The following ANGPT2 variants were observed in gnomAD, a reference collection of about 807,000 sequenced individuals.
ANGPT2 encodes the protein angiopoietin-2.
In ANGPT2, 28 loss-of-function variants were observed where a neutral mutation model predicts 62.9. That is an observed-to-expected ratio of 0.44 (90% confidence interval 0.33 to 0.61). The LOEUF (loss-of-function observed/expected upper bound fraction) is 0.61. Ranked by LOEUF, ANGPT2 falls within the 20% of genes least tolerant of loss-of-function variation. ANGPT2 has a pLI of 0.03. For synonymous variants in ANGPT2, 284 were observed against 207.8 expected (o/e 1.37, Z -3.15); for missense variants, 727 against 594.9 (o/e 1.22, Z -2.31).
At chr8:6,536,370 A>G (rs1820503344) in intron 1 of ANGPT2, among the ~76,000 whole-genome samples, 1 of 150,856 alleles carries the variant, frequency 6.6e-6, no homozygotes, top group Non-Finnish European at 1.5e-5. Context: ...ATGTTAGCTC[A>G]ACCCAGAGGC....
rs749652456 is a variant in ANGPT2, at chr8:6,509,078, G to A, written c.1197-16C>T. 8.1e-6 allele frequency: 13 copies of A among 1,603,630 alleles called. No individual in the cohort carries two copies. The highest frequency in any genetic ancestry group is 7.0e-5 in the Admixed American group (4 of 57,140). On this transcript the variant is annotated splice_polypyrimidine_tract_variant and intron_variant, in intron 7 of 8. Coordinates refer to ENST00000629816, the MANE Select transcript of ANGPT2 (RefSeq NM_001118887.2). ...AAGGTGAATCCTGTAAGCGTGCAAAGAAAAAAAACACATTGGCTAGGGTCA... is the reference window on the plus strand; with the variant it reads ...AAGGTGAATCCTGTAAGCGTGCAAAAAAAAAAAACACATTGGCTAGGGTCA...
intron 3 of ANGPT2, among the ~76,000 whole-genome samples, chr8:6,525,424 C>G (rs967525090): frequency 1.6e-5 from 2 of 128,788 alleles, no homozygotes; most frequent in East Asian, 3.9e-4. Context: ...AAAATGAGTT[C>G]TCATTATATT....
In ANGPT2 at chr8:6,552,339, A is replaced by G. The variant is rs191434929; in HGVS notation, c.288+10308T>C. ...CGCAGTCACAGCAGTGTGTTGCCCA[A>G]TGACAGTACTGGAGCAGTTTCCACA... On this transcript the variant is annotated intron_variant, in intron 1 of 8. Coordinates refer to ENST00000629816, the MANE Select transcript of ANGPT2 (RefSeq NM_001118887.2). Among the ~76,000 whole-genome samples, 188 of 152,322 alleles carry G rather than the reference A, an allele frequency of 1.2e-3. 2 individuals carry two copies. The highest frequency in any genetic ancestry group is 7.4e-4 in the Non-Finnish European group (50 of 68,020).
At chr8:6,525,913 C>A (rs182694228) in intron 3 of ANGPT2, among the ~76,000 whole-genome samples, 3 of 152,150 alleles carry the variant, frequency 2.0e-5, no homozygotes, top group Admixed American at 2.0e-4. Context: ...ATAATTGACC[C>A]AAATTGGTAG....
rs180830302 is a variant in ANGPT2, at chr8:6,499,769, C to G, written c.*3332G>C. The stretch of plus-strand genomic sequence containing the variant: ...GATCTGCGGAGTGTATCACTTTTTG[C>G]TGTGTCTTCAAAGTGATTCTTGGTT... On this transcript the variant is annotated 3_prime_UTR_variant, in exon 9 of 9. Transcript: ENST00000629816. 9.3e-4 allele frequency: 1,127 copies of G among 1,206,554 alleles called. 5 individuals are homozygous for G. In the Middle Eastern group the frequency reaches 1.0e-2, roughly 11 times the overall value. 74.7% of individuals were successfully genotyped at this position (1,206,554 alleles called of 1,614,324 possible). A position where few individuals can be genotyped will look rare whatever the true frequency, so the allele number is the denominator to read the frequency against.
At chr8:6,551,381 G>A (rs1195883082) in intron 1 of ANGPT2, among the ~76,000 whole-genome samples, 1 of 148,540 alleles carries the variant, frequency 6.7e-6, no homozygotes, top group Non-Finnish European at 1.5e-5. Context: ...GGCCAATTAT[G>A]TAACTGTAAA....
chr8:6,533,762 C>A (rs1421868596), intron 1 of ANGPT2, among the ~76,000 whole-genome samples: 1 of 152,008 alleles, frequency 6.6e-6, no homozygotes, highest in Non-Finnish European at 1.5e-5. Context: ...CCTTTAAAAA[C>A]TTAGAATTCT....
chr8:6,518,422 A>T (rs1344187559), intron 5 of ANGPT2, among the ~76,000 whole-genome samples: 1 of 152,112 alleles, frequency 6.6e-6, no homozygotes, highest in Non-Finnish European at 1.5e-5. Flanking sequence ...TCCCTGTTGT[A>T]TGGCTTCTAG....
intron 8 of ANGPT2, among the ~76,000 whole-genome samples, chr8:6,505,721 T>C (rs974904833): frequency 1.5e-5 from 2 of 131,906 alleles, no homozygotes; most frequent in Non-Finnish European, 3.1e-5. Context: ...ATATATATTC[T>C]ATATATATTC....
chr8:6,519,394 C>G (rs747149089), intron 5 of ANGPT2, among the ~76,000 whole-genome samples: 30 of 152,198 alleles, frequency 2.0e-4, no homozygotes, highest in Non-Finnish European at 3.5e-4. Flanking sequence ...GTACAAGTCA[C>G]TATGCAGTCA....
intron 1 of ANGPT2, among the ~76,000 whole-genome samples, chr8:6,540,648 C>T (rs549898055): frequency 1.2e-3 from 189 of 152,378 alleles, no homozygotes; most frequent in Non-Finnish European, 2.0e-3. Context: ...CAGCAGCTTA[C>T]AATGACAAAA....
At chr8:6,548,199 C>G (rs1050522826) in intron 1 of ANGPT2, among the ~76,000 whole-genome samples, 1 of 152,104 alleles carries the variant, frequency 6.6e-6, no homozygotes, top group Non-Finnish European at 1.5e-5. Flanking sequence ...CACGCTTTGA[C>G]TTTAGAAGGC....
chr8:6,534,172 A>T (rs1820075613), intron 1 of ANGPT2, among the ~76,000 whole-genome samples: 1 of 152,152 alleles, frequency 6.6e-6, no homozygotes, highest in Non-Finnish European at 1.5e-5. Flanking sequence ...TGGCCTCCAC[A>T]TCTACGGGTT....
chr8:6,547,885 ATT>A (rs78972556), intron 1 of ANGPT2, among the ~76,000 whole-genome samples: 3,009 of 118,914 alleles, frequency 0.025, 66 homozygotes, highest in East Asian at 0.069. Flanking sequence ...TCTTACCCCC[ATT>A]TTTTTTTTTT....
Position 6,499,809 on chromosome 8 carries a change from G to A in ANGPT2, c.*3292C>T. 4 of 1,567,080 alleles carry A rather than the reference G, an allele frequency of 2.6e-6. No homozygotes were observed. Among genetic ancestry groups the A allele is most frequent in the East Asian group, 4.5e-5 (2 of 44,618 alleles). On this transcript the variant is annotated 3_prime_UTR_variant, in exon 9 of 9. Transcript: ENST00000629816. ...GATTCTTGGTTTATTGCCTGCTAAGGCTAATAAATGTATAATAAATCTGCT... is the reference window on the plus strand; with the variant it reads ...GATTCTTGGTTTATTGCCTGCTAAGACTAATAAATGTATAATAAATCTGCT...
intron 8 of ANGPT2, chr8:6,507,611 C>G (rs1295065090): frequency 8.3e-6 from 1 of 120,028 alleles, no homozygotes; most frequent in African/African-American, 2.9e-5. Context: ...AATTCTTGCT[C>G]TGTCCCCCAG....
intron 1 of ANGPT2, among the ~76,000 whole-genome samples, chr8:6,536,869 A>T (rs1351070788): frequency 1.3e-5 from 2 of 150,854 alleles, no homozygotes; most frequent in Non-Finnish European, 3.0e-5. Context: ...CTTTCTGTTT[A>T]GTGTCTCTCT....
At chr8:6,506,951 G>C (rs763251482) in intron 8 of ANGPT2, among the ~76,000 whole-genome samples, 1 of 151,574 alleles carries the variant, frequency 6.6e-6, no homozygotes, top group South Asian at 2.1e-4. Context: ...AGGCTGGATT[G>C]TACTGGTGCG....
chr8:6,533,177 C>T (rs141927423), intron 1 of ANGPT2, among the ~76,000 whole-genome samples: 14 of 152,336 alleles, frequency 9.2e-5, no homozygotes, highest in South Asian at 4.1e-4. Context: ...TATCACCTAA[C>T]GTGCCATGGG....
Sources: allele counts gnomAD v4.1 joint callset (sites outside exome capture counted in the v4.1 genomes callset), GRCh38; gene constraint gnomAD v4.1.1; transcripts MANE v1.5; gene names NCBI Gene and HGNC (gene_info 2026-07-23, HGNC 2026-07-21).